Variants in RNF213 observed in about 807,000 individuals in gnomAD.
RNF213 encodes the protein E3 ubiquitin-protein ligase RNF213.
In RNF213, 341 loss-of-function variants were observed where a neutral mutation model predicts 514.4. The ratio of observed to expected loss-of-function variants is 0.66; its 90% CI spans 0.61 to 0.73. The LOEUF is 0.73. RNF213 is among the 30% of genes least tolerant of loss of function. The probability of loss-of-function intolerance (pLI) is 0.00; values close to 1 mark genes in which losing one functional copy is unlikely to be tolerated. For synonymous variants in RNF213, 2,655 were observed against 2,658.2 expected, an observed-to-expected ratio of 1.00 and a Z score of 0.04; for missense variants, 5,767 against 6,615.6, an observed-to-expected ratio of 0.87 and a Z score of 4.45.
intron 37 of RNF213, 111 bp downstream of exon 37, chr17:80,358,590 G>A (rs2078921901): frequency 1.5e-5 from 15 of 972,054 alleles, no homozygotes; most frequent in South Asian, 6.8e-5. Context: ...TCAGAGCAAC[G>A]TTGACATGGG....
chr17:80,367,028 T>C (rs375669918), intron 42 of RNF213, among the ~76,000 whole-genome samples: 11 of 152,332 alleles, frequency 7.2e-5, no homozygotes, highest in African/African-American at 1.7e-4. Context: ...TACAGGACTG[T>C]CAGGAATTGC....
intron 50 of RNF213, chr17:80,374,980 G>A (rs2079688047): frequency 1.6e-5 from 4 of 256,106 alleles, no homozygotes; most frequent in South Asian, 1.4e-4. Flanking sequence ...ATATGCATGT[G>A]TGTTTAATAA....
rs549855016 is a variant in RNF213 at position 80,291,776 on chromosome 17, G to A, written c.1420G>A (p.Glu474Lys). Residue 474 changes from glutamate (E) to lysine (K), a missense_variant, in exon 8 of 68, where the codon GAG becomes AAG. By Grantham distance (56) the Glu-to-Lys change is moderately conservative. Around this residue, in one of 13 missense-constraint regions of RNF213, gnomAD observed 592 missense variants for 673.9 expected, o/e 0.88. Coordinates refer to ENST00000582970, the MANE Select transcript of RNF213 (RefSeq NM_001256071.3). The part of the protein sequence containing the change: ...FIYKHQQKKG[E>K]YVNRCLFIKS... ...TTACAAGCACCAGCAGAAGAAGGGC[G>A]AGTACGTCAACCGCTGTCTGTTCAT... The A allele has an allele frequency of 9.3e-6, 15 of 1,614,172 alleles. No homozygotes were observed. Among genetic ancestry groups the A allele is most frequent in the South Asian group, 8.8e-5 (8 of 91,092 alleles).
Position 80,340,126 on chromosome 17 carries a change from A to G in RNF213, c.5759A>G (p.His1920Arg). ...TTCCACAATCTGTGCACGCAGCAGC[A>G]CCGAGAAGACTACCAGCTCGTCATG... ...ELFHNLCTQQHREDYQLVMVC... is the reference protein window; with the variant it reads ...ELFHNLCTQQRREDYQLVMVC... The change falls in exon 26 of 68, where the codon CAC (histidine) becomes CGC (arginine). Residue 1920 changes from histidine to arginine, a missense_variant. Coordinates refer to ENST00000582970, the MANE Select transcript of RNF213 (RefSeq NM_001256071.3). The G allele has an allele frequency of 6.2e-7, 1 of 1,613,624 alleles. No individual in the cohort carries two copies. The highest frequency in any genetic ancestry group is 8.5e-7 in the Non-Finnish European group (1 of 1,179,966).
intron 15 of RNF213, among the ~76,000 whole-genome samples, chr17:80,314,304 G>C: frequency 1.3e-5 from 1 of 78,534 alleles, no homozygotes; most frequent in Non-Finnish European, 2.4e-5. Context: ...GGTGGTGGAC[G>C]TGATGGTGGA....
At chr17:80,320,819 A>G (rs1432032597) in intron 17 of RNF213, 1 of 152,144 alleles carries the variant, frequency 6.6e-6, no homozygotes, top group Non-Finnish European at 1.5e-5. Flanking sequence ...TATAAAAACT[A>G]AAAAATAAAC....
Position 80,383,866 on chromosome 17 carries a change from C to T in RNF213, c.14260C>T (p.His4754Tyr). 6.2e-7 allele frequency: 1 copy of T among 1,614,152 alleles called. No individual in the cohort carries two copies. Among genetic ancestry groups the T allele is most frequent in the Non-Finnish European group, 8.5e-7 (1 of 1,180,010 alleles). ...AAGAATTACAGTTGAGTACCTCCAG[C>T]ACATTGTGGAACAGAAAAATGGCAA... ...RKRITVEYLQ[H>Y]IVEQKNGKER... is the part of the protein sequence containing the mutation. Residue 4754 changes from histidine to tyrosine, a missense_variant, in exon 59 of 68, where the codon CAC (histidine) becomes TAC (tyrosine). This residue lies in a region of RNF213 where 1,245 missense variants were observed against 1,339.0 expected (regional missense o/e 0.93). Transcript: ENST00000582970.
rs1175110305 is a variant in RNF213, at chr17:80,278,763, G to A, written c.261+5359G>A. The A allele has an allele frequency of 2.0e-6, 3 of 1,537,172 alleles. No homozygotes were observed. The East Asian group carries it at 7.3e-5, about 38-fold the overall frequency. Reference sequence around the variant, plus strand: ...GTCTGAAGGGGGTCGTGTTTCAACAGGGAGCTACATCAGAGGTTTTGGTAG... The same window carrying A: ...GTCTGAAGGGGGTCGTGTTTCAACAAGGAGCTACATCAGAGGTTTTGGTAG... On this transcript the variant is annotated intron_variant, in intron 3 of 67. Coordinates refer to ENST00000582970, the MANE Select transcript of RNF213 (RefSeq NM_001256071.3).
chr17:80,306,334 C>T lies in RNF213; in HGVS notation c.2293C>T (p.Leu765=), dbSNP rs781393203. ...EPLFRSWFSL[L]PLSHLVMYME... ...TCTCTTCCGGTCCTGGTTTAGTCTG[C>T]TACCTCTGAGTCACCTGGTTATGTA... The change falls in exon 12 of 68, where the codon CTA becomes TTA. Residue 765 remains leucine (L), a synonymous_variant. Coordinates refer to ENST00000582970, the MANE Select transcript of RNF213 (RefSeq NM_001256071.3). 1.2e-6 allele frequency: 2 copies of T among 1,614,164 alleles called. No homozygotes were observed. Among genetic ancestry groups the T allele is most frequent in the Non-Finnish European group, 1.7e-6 (2 of 1,180,036 alleles).
chr17:80,385,723 C>G, intron 61 of RNF213, 102 bp downstream of exon 61: 1 of 994,024 alleles, frequency 1.0e-6, no homozygotes, highest in South Asian at 1.4e-5. Context: ...ACACCCAGCA[C>G]TGTGTTTGTT....
In RNF213 at chr17:80,317,539, C is replaced by T. The variant is rs1237103562; in HGVS notation, c.2901+262C>T. Among the ~76,000 whole-genome samples the T allele has an allele frequency of 6.6e-6, 1 of 152,176 alleles. No individual in the cohort carries two copies. The highest frequency in any genetic ancestry group is 1.5e-5 in the Non-Finnish European group (1 of 68,036). ...GGTGCGGGATTTTTCCTGACCCCTT[C>T]GTTGGACTTGCGACAGGGATGCTGT... On this transcript the variant is annotated intron_variant, in intron 16 of 67. Coordinates refer to ENST00000582970, the MANE Select transcript of RNF213 (RefSeq NM_001256071.3). The surrounding 1 kb of genome is among the most constrained non-coding windows in gnomAD (Gnocchi z 4.1).
chr17:80,306,622 C>T (rs1310449707), intron 12 of RNF213, among the ~76,000 whole-genome samples, 154 bp downstream of exon 12: 7 of 152,060 alleles, frequency 4.6e-5, no homozygotes, highest in African/African-American at 1.2e-4. Context: ...GAGGCCGAGG[C>T]GGGCAGATCA....
At chr17:80,386,460 C>T (rs1176481699) in intron 62 of RNF213, 30 bp downstream of exon 62, 1 of 1,610,182 alleles carries the variant, frequency 6.2e-7, no homozygotes, top group East Asian at 2.2e-5. Context: ...GGAAGTGGTG[C>T]CTGCTCAGCC....
In RNF213 at chr17:80,377,275, G is replaced by A. The variant is rs536239073; in HGVS notation, c.13510+312G>A. The stretch of plus-strand genomic sequence containing the variant: ...GAACCACATCAGAGACGCATTCAAA[G>A]GCCCACCACAAAACAAAGTTTTTGA... On this transcript the variant is annotated intron_variant, in intron 53 of 67. Transcript: ENST00000582970. This position sits in a 1 kb window ranked among gnomAD's most constrained non-coding sequence, Gnocchi z 4.1. The A allele has an allele frequency of 6.4e-5, 28 of 436,752 alleles. No individual in the cohort carries two copies. The highest frequency in any genetic ancestry group is 1.1e-4 in the Non-Finnish European group (27 of 238,448). 27.1% of individuals were successfully genotyped at this position (436,752 alleles called of 1,614,324 possible). A position where few individuals can be genotyped will look rare whatever the true frequency, so the allele number is the denominator to read the frequency against.
intron 58 of RNF213, among the ~76,000 whole-genome samples, 199 bp downstream of exon 58, chr17:80,383,269 G>A (rs2080097179): frequency 6.6e-6 from 1 of 152,166 alleles, no homozygotes; most frequent in African/African-American, 2.4e-5. Context: ...TCCTACAGCT[G>A]GTCATGAAGT....
At chr17:80,334,294 G>A (rs1011488649) in intron 22 of RNF213, 24 bp downstream of exon 22, 31 of 1,516,722 alleles carry the variant, frequency 2.0e-5, no homozygotes, top group African/African-American at 1.8e-4. Context: ...TTGGGGTTGC[G>A]TGGAAGTGTG....
In RNF213 at chr17:80,325,072, C is replaced by T. The variant is rs777013389; in HGVS notation, c.3067C>T (p.Arg1023Trp). The T allele has an allele frequency of 8.3e-5, 127 of 1,537,042 alleles. No homozygotes were observed. The highest frequency in any genetic ancestry group is 3.3e-4 in the Middle Eastern group (2 of 6,012). Residue 1023 changes from arginine (R) to tryptophan (W), a missense_variant, in exon 18 of 68, where the codon CGG (arginine) becomes TGG (tryptophan). Physicochemically the swap from Arg to Trp is moderately radical, Grantham distance 101 (BLOSUM62 -3). This residue lies in a region of RNF213 where 516 missense variants were observed against 566.5 expected (regional missense o/e 0.91). Transcript: ENST00000582970. ...ILQGFSYSDL[R>W]KFGIVLSAVI... is the part of the protein sequence containing the mutation. ...TCAGGGGTTCTCTTACTCTGATTTG[C>T]GGAAATTTGGCATCGTCTTGTCTGC...
intron 14 of RNF213, 121 bp from the exon 15 acceptor site, chr17:80,312,891 C>A: frequency 9.1e-7 from 1 of 1,095,828 alleles, no homozygotes; most frequent in Non-Finnish European, 1.4e-6. Context: ...GTGGTCCCTC[C>A]ATCGTAGCCA....
In RNF213 at chr17:80,386,422, AAAC is replaced by A. The variant is rs1321775087; in HGVS notation, c.14717_14719del (p.Asn4906del). ...ACGCCGTGGAAAAACTCTCCAAGGAAAACAACAGGTTTGTGCACGAGCCACCAG... is the reference window on the plus strand; with the variant it reads ...ACGCCGTGGAAAAACTCTCCAAGGAAAACAGGTTTGTGCACGAGCCACCAG... On this transcript the variant is annotated inframe_deletion, in exon 62 of 68. Coordinates refer to ENST00000582970, the MANE Select transcript of RNF213 (RefSeq NM_001256071.3). The A allele has an allele frequency of 3.7e-6, 6 of 1,614,024 alleles. No individual in the cohort carries two copies. Among genetic ancestry groups the A allele is most frequent in the East Asian group, 4.5e-5 (2 of 44,884 alleles).
Sources: gnomAD v4.1 joint callset for allele counts (sites outside exome capture counted in the v4.1 genomes callset) on GRCh38, gnomAD v4.1.1 for gene constraint, gnomAD v4.1.1 regional missense constraint, Gnocchi (gnomAD v3.1) non-coding constraint, MANE v1.5 for transcripts, NCBI Gene and HGNC (gene_info 2026-07-23, HGNC 2026-07-21) for gene names.